Variants in ADARB2 observed in about 807,000 individuals in gnomAD.
The protein encoded by ADARB2 is adenosine deaminase RNA specific B2 (inactive).
Under a neutral mutation model 62.2 loss-of-function variants are expected in ADARB2, and 25 were observed. The ratio of observed to expected loss-of-function variants is 0.40; its 90% CI spans 0.29 to 0.56. ADARB2 has a LOEUF of 0.56. ADARB2 is among the 20% of genes least tolerant of loss of function. The probability of loss-of-function intolerance (pLI) is 0.43; values close to 1 mark genes in which losing one functional copy is unlikely to be tolerated. For synonymous variants in ADARB2, 572 were observed against 500.8 expected, an observed-to-expected ratio of 1.14 and a Z score of -1.90; for missense variants, 1,071 against 1,077.4, an observed-to-expected ratio of 0.99 and a Z score of 0.08.
At chr10:1,582,990 C>T (rs1166388727) in intron 1 of ADARB2, among the ~76,000 whole-genome samples, 1 of 152,218 alleles carries the variant, frequency 6.6e-6, no homozygotes, top group Non-Finnish European at 1.5e-5. Flanking sequence ...CCACTTGTGT[C>T]TCTGTATTCC....
At chr10:1,649,406 GC>G (rs1834083804) in intron 1 of ADARB2, among the ~76,000 whole-genome samples, 1 of 152,030 alleles carries the variant, frequency 6.6e-6, no homozygotes, top group Non-Finnish European at 1.5e-5. Context: ...CATGATCTGG[GC>G]CCCTGTCCTG....
chr10:1,486,154 C>T (rs1349266791), intron 1 of ADARB2, among the ~76,000 whole-genome samples: 2 of 151,624 alleles, frequency 1.3e-5, no homozygotes, highest in Non-Finnish European at 2.9e-5. Flanking sequence ...CTGTAAACCT[C>T]GTTAGAGGAA....
At chr10:1,216,688 G>A (rs959854775) in intron 7 of ADARB2, 11 of 515,720 alleles carry the variant, frequency 2.1e-5, no homozygotes, top group African/African-American at 4.0e-5. Context: ...GGGGTTGCCG[G>A]GCCTTGCTCG....
chr10:1,666,375 G>T (rs921681812), intron 1 of ADARB2, among the ~76,000 whole-genome samples: 11 of 152,352 alleles, frequency 7.2e-5, no homozygotes, highest in Non-Finnish European at 2.9e-5. Context: ...GCCTCCGAAG[G>T]GGGGCCAGTA....
At chr10:1,599,979 C>A (rs1358978572) in intron 1 of ADARB2, among the ~76,000 whole-genome samples, 1 of 152,072 alleles carries the variant, frequency 6.6e-6, no homozygotes, top group African/African-American at 2.4e-5. Context: ...ACTTGGGCTC[C>A]AGAGATCTGA....
At chr10:1,510,118 T>TCTTTCTC (rs1564312525) in intron 1 of ADARB2, among the ~76,000 whole-genome samples, 73 of 64,850 alleles carry the variant, frequency 1.1e-3, no homozygotes, top group South Asian at 2.3e-3. Flanking sequence ...CTCTCTTTCT[T>TCTTTCTC]TCTTTCTTTC....
chr10:1,411,900 A>C (rs1832763027), intron 1 of ADARB2, among the ~76,000 whole-genome samples: 1 of 152,244 alleles, frequency 6.6e-6, no homozygotes, highest in Admixed American at 6.5e-5. Context: ...TTCAGCTAGC[A>C]GTATAGATTT....
rs757212154 is a variant in ADARB2, at chr10:1,242,090, G to A, written c.1361+41C>T. ...ATCTGCTCCCTGGCAGCCCCCAGCC[G>A]CGGCGTCCGCCTTCCCTGGAGCCCG... On this transcript the variant is annotated intron_variant, in intron 5 of 9. Coordinates refer to ENST00000381312, the MANE Select transcript of ADARB2 (RefSeq NM_018702.4). 57 of 1,547,462 alleles carry A rather than the reference G, an allele frequency of 3.7e-5. No homozygotes were observed. In the East Asian group the frequency reaches 4.2e-4, roughly 11 times the overall value.
At position 1,704,007 on chromosome 10, in the gene ADARB2, A is replaced by G. The variant is rs1834856110; in HGVS notation, c.100+33044T>C. Among the ~76,000 whole-genome samples the G allele has an allele frequency of 6.6e-6, 1 of 152,214 alleles. No homozygotes were observed. Among genetic ancestry groups the G allele is most frequent in the Admixed American group, 6.5e-5 (1 of 15,284 alleles). ...TTGTTTATTGGATGCTACATTAGCT[A>G]TCTATTGCTTTGTGACAAGTTACCT... On this transcript the variant is annotated intron_variant, in intron 1 of 9. Transcript: ENST00000381312. The surrounding 1 kb of genome is among the most constrained non-coding windows in gnomAD (Gnocchi z 5.6).
intron 3 of ADARB2, among the ~76,000 whole-genome samples, chr10:1,314,504 G>T (rs933518268): frequency 6.6e-6 from 1 of 151,882 alleles, no homozygotes; most frequent in African/African-American, 2.4e-5. Flanking sequence ...GCCCTTCCAC[G>T]GCCAGTGCCC....
intron 1 of ADARB2, among the ~76,000 whole-genome samples, chr10:1,702,423 T>G (rs1834832896): frequency 6.6e-6 from 1 of 152,182 alleles, no homozygotes; most frequent in South Asian, 2.1e-4. Context: ...GGTGAGGGTC[T>G]GGGGCCCTTG....
At chr10:1,258,122 T>TTCTCTTTC (rs965748880) in intron 4 of ADARB2, among the ~76,000 whole-genome samples, 5 of 152,186 alleles carry the variant, frequency 3.3e-5, no homozygotes, top group Admixed American at 2.6e-4. Context: ...CTCTCTCTTT[T>TTCTCTTTC]TCTCTTTCTC....
At chr10:1,495,243 T>A (rs1831671792) in intron 1 of ADARB2, among the ~76,000 whole-genome samples, 1 of 152,174 alleles carries the variant, frequency 6.6e-6, no homozygotes, top group African/African-American at 2.4e-5. Context: ...TTTAAGAGAA[T>A]TGCCAATAAA....
At chr10:1,505,022 CAG>C (rs1381688139) in intron 1 of ADARB2, among the ~76,000 whole-genome samples, 12 of 151,804 alleles carry the variant, frequency 7.9e-5, no homozygotes, top group African/African-American at 2.9e-4. Flanking sequence ...CACAAACACA[CAG>C]ACACAGCCAC....
chr10:1,526,625 G>A, intron 1 of ADARB2: 1 of 240,954 alleles, frequency 4.2e-6, no homozygotes, highest in Non-Finnish European at 8.9e-6. Context: ...CACGAGTGAA[G>A]CTTCCTGGGG....
At chr10:1,293,883 T>G (rs1831500187) in intron 3 of ADARB2, among the ~76,000 whole-genome samples, 1 of 152,076 alleles carries the variant, frequency 6.6e-6, no homozygotes, top group South Asian at 2.1e-4. Context: ...AAACAGACTT[T>G]ACTCACTGAT....
At chr10:1,331,910 T>C (rs1051271622) in intron 3 of ADARB2, among the ~76,000 whole-genome samples, 4 of 152,184 alleles carry the variant, frequency 2.6e-5, no homozygotes, top group Admixed American at 2.0e-4. Flanking sequence ...GCTTTTAGGG[T>C]TTTTCAGAGA....
chr10:1,464,377 T>C (rs141121922), intron 1 of ADARB2, among the ~76,000 whole-genome samples: 2,614 of 48,098 alleles, frequency 0.054, 118 homozygotes, highest in South Asian at 0.07. Context: ...GCGGGCAGCG[T>C]GCTGGAGAAG....
At chr10:1,414,084 T>C (rs2820666) in intron 1 of ADARB2, among the ~76,000 whole-genome samples, 148,555 of 152,248 alleles carry the variant, frequency 0.98, 72,599 homozygotes, top group Middle Eastern at 1. Flanking sequence ...CCTCACCAGC[T>C]CGGCTCAGGG....
Sources: allele counts gnomAD v4.1 joint callset (sites outside exome capture counted in the v4.1 genomes callset), GRCh38; gene constraint gnomAD v4.1.1; non-coding constraint Gnocchi (gnomAD v3.1); transcripts MANE v1.5; gene names NCBI Gene and HGNC (gene_info 2026-07-23, HGNC 2026-07-21).